Variants in AFAP1 observed in about 807,000 individuals in gnomAD.
AFAP1 encodes the protein actin filament-associated protein 1.
In AFAP1, 75 loss-of-function variants were observed where a neutral mutation model predicts 93.9. The ratio of observed to expected loss-of-function variants is 0.80; its 90% CI spans 0.66 to 0.97. The LOEUF (loss-of-function observed/expected upper bound fraction) is 0.97, where lower values mean the gene tolerates loss of function less well. Ranked by LOEUF, AFAP1 falls within the 50% of genes least tolerant of loss-of-function variation. The probability of loss-of-function intolerance (pLI) is 0.00; values close to 1 mark genes in which losing one functional copy is unlikely to be tolerated. For synonymous variants in AFAP1, 517 were observed against 430.7 expected (o/e 1.20, Z -2.48); for missense variants, 1,201 against 1,050.8 (o/e 1.14, Z -1.98).
chr4:7,929,987 A>G (rs1214655625), intron 1 of AFAP1, among the ~76,000 whole-genome samples: 1 of 152,258 alleles, frequency 6.6e-6, no homozygotes, highest in Non-Finnish European at 1.5e-5. Flanking sequence ...GCTGGTTAAA[A>G]GCACAGGCTT....
intron 1 of AFAP1, among the ~76,000 whole-genome samples, chr4:7,888,120 C>T (rs1272489717): frequency 6.6e-5 from 10 of 152,254 alleles, no homozygotes; most frequent in Admixed American, 6.5e-4. Flanking sequence ...AGCCACCACG[C>T]CCAGCCCCAT....
In AFAP1 at chr4:7,901,412, T is replaced by G. The variant is rs367706097; in HGVS notation, c.-2-29332A>C. Among the ~76,000 whole-genome samples, 10 of 152,330 alleles carry G rather than the reference T, an allele frequency of 6.6e-5. No homozygotes were observed. The East Asian group carries it at 1.4e-3, about 21-fold the overall frequency. On this transcript the variant is annotated intron_variant, in intron 1 of 17. Transcript: ENST00000420658. ...TAAAGACGCCTCCATCACCAGCATG[T>G]TGGCTCTCACTGTGCGGAATTACAT...
chr4:7,889,377 T>C (rs955847121), intron 1 of AFAP1, among the ~76,000 whole-genome samples: 5 of 151,602 alleles, frequency 3.3e-5, no homozygotes, highest in African/African-American at 1.2e-4. Context: ...TGAAACCCCA[T>C]CTCTACTAAA....
At chr4:7,902,667 C>T (rs1424087987) in intron 1 of AFAP1, among the ~76,000 whole-genome samples, 1 of 152,168 alleles carries the variant, frequency 6.6e-6, no homozygotes, top group Non-Finnish European at 1.5e-5. Context: ...GGCTTTTTCT[C>T]CACAAACTGT....
chr4:7,842,222 A>T (rs1713098208), intron 5 of AFAP1, among the ~76,000 whole-genome samples: 1 of 151,248 alleles, frequency 6.6e-6, no homozygotes, highest in East Asian at 1.9e-4. Context: ...GAACAAAAAC[A>T]TTAAAAAATA....
At chr4:7,882,056 G>C (rs1717883064) in intron 1 of AFAP1, among the ~76,000 whole-genome samples, 1 of 152,026 alleles carries the variant, frequency 6.6e-6, no homozygotes, top group African/African-American at 2.4e-5. Context: ...TTAAGACACG[G>C]GATCCATGAA....
chr4:7,819,209 G>T, intron 6 of AFAP1, 38 bp from the exon 7 acceptor site: 2 of 1,553,804 alleles, frequency 1.3e-6, no homozygotes, highest in Non-Finnish European at 1.8e-6. Context: ...TATGCCCAAA[G>T]GCAGAGATAC....
chr4:7,847,788 G>C (rs1004571745), intron 4 of AFAP1, among the ~76,000 whole-genome samples: 3 of 66,894 alleles, frequency 4.5e-5, no homozygotes, highest in Admixed American at 4.4e-4. Flanking sequence ...TATTTCAGGG[G>C]TACTCGGGGT....
At chr4:7,778,389 G>C in intron 14 of AFAP1, 2 of 326,332 alleles carry the variant, frequency 6.1e-6, no homozygotes, top group Non-Finnish European at 1.2e-5. Flanking sequence ...GACAGATAAA[G>C]ATGCTGAGTT....
chr4:7,924,766 G>A (rs1475463716), intron 1 of AFAP1, among the ~76,000 whole-genome samples: 1 of 152,114 alleles, frequency 6.6e-6, no homozygotes, highest in Non-Finnish European at 1.5e-5. Flanking sequence ...CAGGAGGCCA[G>A]CCAGGCTAGC....
In AFAP1 at chr4:7,930,651, A is replaced by G. The variant is rs565150630; in HGVS notation, c.-3+9005T>C. Among the ~76,000 whole-genome samples the G allele has an allele frequency of 4.6e-5, 7 of 152,292 alleles. No homozygotes were observed. The East Asian group carries it at 9.6e-4, about 21-fold the overall frequency. On this transcript the variant is annotated intron_variant, in intron 1 of 17. Coordinates refer to ENST00000420658, the MANE Select transcript of AFAP1 (RefSeq NM_001134647.2). The stretch of plus-strand genomic sequence containing the variant: ...AAACCTAAGACCAAATATTATAACC[A>G]ATGATGTTCCTATCAGGAAATTACA...
chr4:7,807,620 G>A (rs1167109097), intron 9 of AFAP1, among the ~76,000 whole-genome samples: 3 of 152,202 alleles, frequency 2.0e-5, no homozygotes, highest in African/African-American at 2.4e-5. Context: ...TATGGTGATA[G>A]CCTTCCCTCC....
At chr4:7,918,025 G>T (rs370079749) in intron 1 of AFAP1, among the ~76,000 whole-genome samples, 23 of 152,232 alleles carry the variant, frequency 1.5e-4, no homozygotes, top group African/African-American at 4.8e-4. Context: ...ACAAAGCCAG[G>T]TCTCCTGATG....
At chr4:7,855,283 G>A (rs1040183865) in intron 4 of AFAP1, among the ~76,000 whole-genome samples, 183 bp downstream of exon 4, 26 of 152,242 alleles carry the variant, frequency 1.7e-4, no homozygotes, top group Non-Finnish European at 3.8e-4. Flanking sequence ...AGGCTTGTGT[G>A]TGAGGCACTC....
chr4:7,796,156 T>A (rs760320009), intron 10 of AFAP1, among the ~76,000 whole-genome samples: 1 of 152,126 alleles, frequency 6.6e-6, no homozygotes, highest in Non-Finnish European at 1.5e-5. Flanking sequence ...AGTGAGCACA[T>A]CTGGCCCCCA....
intron 4 of AFAP1, among the ~76,000 whole-genome samples, chr4:7,844,292 G>C (rs1290449706): frequency 6.6e-6 from 1 of 152,188 alleles, no homozygotes; most frequent in Non-Finnish European, 1.5e-5. Flanking sequence ...AAGAGAGAGA[G>C]AGAGAGAGAG....
intron 12 of AFAP1, among the ~76,000 whole-genome samples, chr4:7,783,206 C>G (rs894580277): frequency 6.6e-6 from 1 of 152,108 alleles, no homozygotes; most frequent in African/African-American, 2.4e-5. Context: ...GTGGCACAAT[C>G]TCAGCTCACT....
chr4:7,902,795 G>T (rs1024941950), intron 1 of AFAP1, among the ~76,000 whole-genome samples: 1 of 152,088 alleles, frequency 6.6e-6, no homozygotes, highest in Admixed American at 6.5e-5. Context: ...GGCAGACAGG[G>T]ACTCTACCGC....
At position 7,773,005 on chromosome 4, in the gene AFAP1, T is replaced by C. The variant is rs770458391; in HGVS notation, c.2068A>G (p.Lys690Glu). 2 of 1,608,736 alleles carry C rather than the reference T, an allele frequency of 1.2e-6. No individual in the cohort carries two copies. The highest frequency in any genetic ancestry group is 2.2e-5 in the South Asian group (2 of 91,024). The change falls in exon 16 of 18, where the codon AAG becomes GAG. Residue 690 changes from lysine to glutamate, a missense_variant. Physicochemically the swap from Lys to Glu is moderately conservative, Grantham distance 56 (BLOSUM62 1). Transcript: ENST00000420658. Reference sequence around the variant, plus strand: ...TTCTCCTCCAGGATCGCCTGCGGCTTCCTGCCTGGAATTCCCAGAAACGCC... The same window carrying C: ...TTCTCCTCCAGGATCGCCTGCGGCTCCCTGCCTGGAATTCCCAGAAACGCC... ...RAAIEVNAGR[K>E]PQAILEEKLK...
Sources: gnomAD v4.1 joint callset for allele counts (sites outside exome capture counted in the v4.1 genomes callset) on GRCh38, gnomAD v4.1.1 for gene constraint, MANE v1.5 for transcripts, NCBI Gene and HGNC (gene_info 2026-07-23, HGNC 2026-07-21) for gene names.